The following ZNF470 variants were observed in gnomAD, a reference collection of about 807,000 sequenced individuals.
The protein encoded by ZNF470 is zinc finger protein 470.
In ZNF470, 13 loss-of-function variants were observed where a neutral mutation model predicts 13.9. The ratio of observed to expected loss-of-function variants is 0.94; its 90% CI spans 0.61 to 1.49. The LOEUF (loss-of-function observed/expected upper bound fraction) is 1.49. ZNF470 is among the 40% of genes most tolerant of loss of function. The pLI, the probability that ZNF470 is intolerant of heterozygous loss-of-function variation, is 0.00. For missense variants in ZNF470, 929 were observed against 857.3 expected (o/e 1.08, Z -1.04); for synonymous variants, 293 against 282.9 (o/e 1.04, Z -0.36).
chr19:56,570,293 G>T lies in ZNF470; in HGVS notation c.-19G>T, dbSNP rs1281365192. On this transcript the variant is annotated 5_prime_UTR_variant, in exon 3 of 6. Transcript: ENST00000330619. ...TTTTCTCCCCAGCTCTACAATCCCAGAGTAAAGCTCTTCTCCAAATGAAGA... is the reference window on the plus strand; with the variant it reads ...TTTTCTCCCCAGCTCTACAATCCCATAGTAAAGCTCTTCTCCAAATGAAGA... The T allele has an allele frequency of 6.2e-7, 1 of 1,612,800 alleles. No homozygotes were observed. Among genetic ancestry groups the T allele is most frequent in the Non-Finnish European group, 8.5e-7 (1 of 1,178,956 alleles).
At chr19:56,569,153 C>T (rs530531727) in intron 2 of ZNF470, among the ~76,000 whole-genome samples, 2 of 152,220 alleles carry the variant, frequency 1.3e-5, no homozygotes, top group Non-Finnish European at 2.9e-5. Flanking sequence ...TATGATAATC[C>T]TTTGAGAAGG....
chr19:56,575,944 G>T (rs557285827), intron 5 of ZNF470, among the ~76,000 whole-genome samples: 1 of 152,060 alleles, frequency 6.6e-6, no homozygotes, highest in Non-Finnish European at 1.5e-5. Flanking sequence ...TGATTTATAC[G>T]TCTACAAATA....
Position 56,567,921 on chromosome 19 carries a change from G to A in ZNF470, c.-276G>A, listed in dbSNP as rs1279585867. 10 of 985,558 alleles carry A rather than the reference G, an allele frequency of 1.0e-5. No homozygotes were observed. The highest frequency in any genetic ancestry group is 4.7e-5 in the South Asian group (1 of 21,304). The allele number at this position is 985,558 out of a possible 1,614,324, so 61.1% of individuals were successfully genotyped here. A position where few individuals can be genotyped will look rare whatever the true frequency, so the allele number is the denominator to read the frequency against. ...TAGAGCCCGGGGAAGTTGCCCGGGC[G>A]GGGCAGCCTCGGCTGAAGCATTTCC... On this transcript the variant is annotated 5_prime_UTR_variant, in exon 1 of 6. Coordinates refer to ENST00000330619, the MANE Select transcript of ZNF470 (RefSeq NM_001001668.4).
Position 56,578,944 on chromosome 19 carries a change from A to AAGTT in ZNF470, c.*363_*364insTTAG. On this transcript the variant is annotated 3_prime_UTR_variant, in exon 6 of 6. Coordinates refer to ENST00000330619, the MANE Select transcript of ZNF470 (RefSeq NM_001001668.4). Reference sequence around the variant, plus strand: ...AGCAAGTAAACCAAACAGTAAGTCTAAGACTAAGATTTTAGAGCAGACAGA... The same window carrying AAGTT: ...AGCAAGTAAACCAAACAGTAAGTCTAAGTTAGACTAAGATTTTAGAGCAGACAGA... The AAGTT allele has an allele frequency of 9.9e-7, 1 of 1,005,554 alleles. No individual in the cohort carries two copies. The allele number at this position is 1,005,554 out of a possible 1,614,324, so 62.3% of individuals were successfully genotyped here.
chr19:56,571,389 T>G (rs1404281461), intron 3 of ZNF470, among the ~76,000 whole-genome samples: 1 of 152,186 alleles, frequency 6.6e-6, no homozygotes, highest in Non-Finnish European at 1.5e-5. Flanking sequence ...CCTTGTGGAT[T>G]AAAGTTTCTC....
chr19:56,577,528 C>G lies in ZNF470; in HGVS notation c.1099C>G (p.Pro367Ala). The stretch of plus-strand genomic sequence containing the variant: ...TCGAAGGATTCACACTGGGAAAAGA[C>G]CTTATGAATGTATTGACTGTGGGAA... ...HHRRIHTGKR[P>A]YECIDCGKAF... is the part of the protein sequence containing the mutation. Residue 367 changes from proline (P) to alanine (A), a missense_variant, in exon 6 of 6, where the codon CCT becomes GCT. Pro to Ala is a conservative substitution (Grantham distance 27). Transcript: ENST00000330619. 1 of 1,614,016 alleles carries G rather than the reference C, an allele frequency of 6.2e-7. No individual in the cohort carries two copies. The highest frequency in any genetic ancestry group is 8.5e-7 in the Non-Finnish European group (1 of 1,179,972).
At position 56,578,054 on chromosome 19, in the gene ZNF470, G is replaced by C. The variant is rs750425716; in HGVS notation, c.1625G>C (p.Cys542Ser). The C allele has an allele frequency of 1.2e-6, 2 of 1,614,046 alleles. No individual in the cohort carries two copies. Among genetic ancestry groups the C allele is most frequent in the South Asian group, 2.2e-5 (2 of 91,068 alleles). ...GAGAAACCTTATGAATGTAAGGAATGTGGTAAGGCCTTCAGTCAGATTGCA... is the reference window on the plus strand; with the variant it reads ...GAGAAACCTTATGAATGTAAGGAATCTGGTAAGGCCTTCAGTCAGATTGCA... ...TGEKPYECKE[C>S]GKAFSQIAHL... is the part of the protein sequence containing the mutation. Residue 542 changes from cysteine to serine, a missense_variant, in exon 6 of 6, where the codon TGT (cysteine) becomes TCT (serine). Coordinates refer to ENST00000330619, the MANE Select transcript of ZNF470 (RefSeq NM_001001668.4).
In ZNF470 at chr19:56,576,989, C is replaced by T; in HGVS notation, c.560C>T (p.Ser187Phe). Reference protein sequence around the residue: ...SGTVFHLNTLSYIKQIFPMEE... With the variant: ...SGTVFHLNTLFYIKQIFPMEE... The stretch of plus-strand genomic sequence containing the variant: ...ACAGTTTTTCATCTGAATACATTAT[C>T]TTATATAAAACAGATTTTTCCCATG... Residue 187 changes from serine (S) to phenylalanine (F), a missense_variant, in exon 6 of 6, where the codon TCT becomes TTT. Physicochemically the swap from Ser to Phe is radical, Grantham distance 155 (BLOSUM62 -2). Coordinates refer to ENST00000330619, the MANE Select transcript of ZNF470 (RefSeq NM_001001668.4). 1 of 1,588,138 alleles carries T rather than the reference C, an allele frequency of 6.3e-7. No homozygotes were observed. The highest frequency in any genetic ancestry group is 1.2e-5 in the South Asian group (1 of 86,494).
In ZNF470 at chr19:56,578,302, G is replaced by A; in HGVS notation, c.1873G>A (p.Val625Ile). The change falls in exon 6 of 6, where the codon GTT (valine) becomes ATT (isoleucine). Residue 625 changes from valine (V) to isoleucine (I), a missense_variant. Val to Ile is a conservative substitution (Grantham distance 29, BLOSUM62 3). Transcript: ENST00000330619. ...TGGTGAGAAACCTTATGAATGTAATGTTTGTGGGAAAGCCTTTAGCCATCG... is the reference window on the plus strand; with the variant it reads ...TGGTGAGAAACCTTATGAATGTAATATTTGTGGGAAAGCCTTTAGCCATCG... Reference protein sequence around the residue: ...HTGEKPYECNVCGKAFSHRKS... With the variant: ...HTGEKPYECNICGKAFSHRKS... The A allele has an allele frequency of 6.2e-7, 1 of 1,613,184 alleles. No individual in the cohort carries two copies. Among genetic ancestry groups the A allele is most frequent in the Non-Finnish European group, 8.5e-7 (1 of 1,179,574 alleles).
chr19:56,580,986 A>C lies in ZNF470; in HGVS notation c.*2403A>C. The C allele has an allele frequency of 6.1e-6, 6 of 984,786 alleles. No homozygotes were observed. Among genetic ancestry groups the C allele is most frequent in the Non-Finnish European group, 7.2e-6 (6 of 829,356 alleles). 61.0% of individuals were successfully genotyped at this position (984,786 alleles called of 1,614,324 possible). ...ATTAAAGTACATGAAAAACAGAATA[A>C]TATATATGTACCCTCGGTTTGAAAT... On this transcript the variant is annotated 3_prime_UTR_variant, in exon 6 of 6. Coordinates refer to ENST00000330619, the MANE Select transcript of ZNF470 (RefSeq NM_001001668.4).
rs1389421096 is a variant in ZNF470, at chr19:56,567,684, G to A, written c.-513G>A. On this transcript the variant is annotated 5_prime_UTR_variant, in exon 1 of 6. Transcript: ENST00000330619. ...GTGCGGTGCTGTGCTGAGGAGGGGC[G>A]AGCGCGCGCGGGGATGGCGGCCCGG... The A allele has an allele frequency of 1.0e-6, 1 of 987,348 alleles. No homozygotes were observed. Among genetic ancestry groups the A allele is most frequent in the Non-Finnish European group, 1.2e-6 (1 of 831,408 alleles). 61.2% of individuals were successfully genotyped at this position (987,348 alleles called of 1,614,324 possible).
At chr19:56,574,565 T>G in intron 4 of ZNF470, 45 bp downstream of exon 4, 4 of 1,611,854 alleles carry the variant, frequency 2.5e-6, no homozygotes, top group Non-Finnish European at 3.4e-6. Context: ...CTCAGTAGTC[T>G]TTTATGCCAT....
chr19:56,570,484 T>C (rs755646619), intron 3 of ZNF470, 113 bp downstream of exon 3: 9 of 965,276 alleles, frequency 9.3e-6, no homozygotes, highest in Admixed American at 2.1e-5. Context: ...GAGGCCTGTT[T>C]CCTGTTTCTT....
At position 56,578,612 on chromosome 19, in the gene ZNF470, C is replaced by T. The variant is rs143489442; in HGVS notation, c.*29C>T. The T allele has an allele frequency of 5.4e-6, 8 of 1,468,306 alleles. No individual in the cohort carries two copies. Among genetic ancestry groups the T allele is most frequent in the South Asian group, 3.1e-5 (2 of 64,832 alleles). The allele number at this position is 1,468,306 out of a possible 1,614,324, so 91.0% of individuals were successfully genotyped here. The stretch of plus-strand genomic sequence containing the variant: ...CAATCTCGTAAATGCTTCTAGCATC[C>T]ATCTGCTTTTTTCCAGCACATGTCC... On this transcript the variant is annotated 3_prime_UTR_variant, in exon 6 of 6. Transcript: ENST00000330619.
chr19:56,575,335 A>G (rs1348043092), intron 5 of ZNF470, among the ~76,000 whole-genome samples: 1 of 151,828 alleles, frequency 6.6e-6, no homozygotes, highest in Admixed American at 6.6e-5. Flanking sequence ...TTGTCTTCTG[A>G]TACCCTTACA....
chr19:56,580,186 G>GGTAAC lies in ZNF470; in HGVS notation c.*1604_*1608dup. On this transcript the variant is annotated 3_prime_UTR_variant, in exon 6 of 6. Coordinates refer to ENST00000330619, the MANE Select transcript of ZNF470 (RefSeq NM_001001668.4). ...ATTAGAGGATGAGGGAAGAACTAGA[G>GGTAAC]GTAACTGTGAGACACAAAAGGCATA... 2 of 962,660 alleles carry GGTAAC rather than the reference G, an allele frequency of 2.1e-6. No individual in the cohort carries two copies. The highest frequency in any genetic ancestry group is 2.4e-6 in the Non-Finnish European group (2 of 823,474). 59.6% of individuals were successfully genotyped at this position (962,660 alleles called of 1,614,324 possible). A position where few individuals can be genotyped will look rare whatever the true frequency, so the allele number is the denominator to read the frequency against.
rs755675206 is a variant in ZNF470, at chr19:56,576,833, T to G, written c.404T>G (p.Leu135Ter). Residue 135 changes from leucine (L) to a stop codon, truncating the protein, a stop_gained, in exon 6 of 6, where the codon TTA becomes TGA. Transcript: ENST00000330619. LOFTEE classifies it low-confidence loss of function (END_TRUNC). Reference sequence around the variant, plus strand: ...AGCTATGACCTTGAATGTTCAACATTAGGGAAAAACTGGAAATGTGAAGAC... The same window carrying G: ...AGCTATGACCTTGAATGTTCAACATGAGGGAAAAACTGGAAATGTGAAGAC... ...LKSYDLECSTLGKNWKCEDLF... is the reference protein window; with the variant it reads ...LKSYDLECST 1 of 1,589,960 alleles carries G rather than the reference T, an allele frequency of 6.3e-7. No homozygotes were observed. The highest frequency in any genetic ancestry group is 8.5e-7 in the Non-Finnish European group (1 of 1,173,200).
At chr19:56,575,657 G>A (rs2044483818) in intron 5 of ZNF470, among the ~76,000 whole-genome samples, 1 of 151,766 alleles carries the variant, frequency 6.6e-6, no homozygotes. Context: ...TTTAAAATTA[G>A]AGACAGGATC....
In ZNF470 at chr19:56,567,698, A is replaced by T. The variant is rs7252824; in HGVS notation, c.-499A>T. ...TGAGGAGGGGCGAGCGCGCGCGGGG[A>T]TGGCGGCCCGGTGTGTGACTGTCCG... On this transcript the variant is annotated 5_prime_UTR_variant, in exon 1 of 6. It removes an upstream start codon present in the reference 5' UTR. Transcript: ENST00000330619. The T allele has an allele frequency of 0.039, 38,199 of 987,786 alleles. 833 individuals carry two copies. Among genetic ancestry groups the T allele is most frequent in the Non-Finnish European group, 0.043 (35,609 of 831,922 alleles). The allele number at this position is 987,786 out of a possible 1,614,324, so 61.2% of individuals were successfully genotyped here. A position where few individuals can be genotyped will look rare whatever the true frequency, so the allele number is the denominator to read the frequency against.
Sources: gnomAD v4.1 joint callset for allele counts (sites outside exome capture counted in the v4.1 genomes callset) on GRCh38, gnomAD v4.1.1 for gene constraint, MANE v1.5 for transcripts, NCBI Gene and HGNC (gene_info 2026-07-23, HGNC 2026-07-21) for gene names.